Variants in MAP4K4 observed in about 807,000 individuals in gnomAD.
MAP4K4 encodes mitogen-activated protein kinase kinase kinase kinase 4, also known as HPK/GCK-like kinase HGK.
A neutral mutation model predicts 189.6 loss-of-function variants in MAP4K4; 38 were observed. That is an observed-to-expected ratio of 0.20 (90% CI 0.15 to 0.26). The LOEUF (loss-of-function observed/expected upper bound fraction) is 0.26. Among genes scored for constraint, MAP4K4 ranks in the 10% least tolerant of loss-of-function variants. The pLI, the probability that MAP4K4 is intolerant of heterozygous loss-of-function variation, is 1.00. For synonymous variants in MAP4K4, 610 were observed against 624.3 expected, an observed-to-expected ratio of 0.98 and a Z score of 0.34; for missense variants, 1,054 against 1,726.9, an observed-to-expected ratio of 0.61 and a Z score of 6.91.
intron 3 of MAP4K4, among the ~76,000 whole-genome samples, chr2:101,803,261 G>GTGTGTGTGTGTGTA (rs764726761): frequency 2.0e-5 from 3 of 149,192 alleles, no homozygotes; most frequent in Non-Finnish European, 4.5e-5. Flanking sequence ...GTGTGTGTGT[G>GTGTGTGTGTGTGTA]TGTATGTATG....
intron 2 of MAP4K4, among the ~76,000 whole-genome samples, chr2:101,747,210 C>T (rs1256698616): frequency 6.6e-6 from 1 of 152,166 alleles, no homozygotes; most frequent in African/African-American, 2.4e-5. Context: ...CCTCCGCCTC[C>T]TGGGTTCATG....
At chr2:101,805,883 C>T (rs936261754) in intron 3 of MAP4K4, among the ~76,000 whole-genome samples, 4 of 152,202 alleles carry the variant, frequency 2.6e-5, no homozygotes, top group Admixed American at 1.3e-4. Flanking sequence ...CTCACTGCCG[C>T]TTCCTTCTCA....
chr2:101,844,387 G>A (rs2097022209), intron 12 of MAP4K4, 76 bp downstream of exon 12: 1 of 1,208,140 alleles, frequency 8.3e-7, no homozygotes, highest in Non-Finnish European at 1.2e-6. Context: ...CCACTCAGAG[G>A]AATATCCTCT....
At position 101,831,869 on chromosome 2, in the gene MAP4K4, C is replaced by T. The variant is rs768416361; in HGVS notation, c.639+18C>T. On this transcript the variant is annotated intron_variant, in intron 7 of 32. Transcript: ENST00000324219. ...ATTACAGAGTAAGAGGCACCTGCTCCGTAGGCCTTTGCAGGGCCACTGGCA... is the reference window on the plus strand; with the variant it reads ...ATTACAGAGTAAGAGGCACCTGCTCTGTAGGCCTTTGCAGGGCCACTGGCA... The T allele has an allele frequency of 1.4e-5, 23 of 1,611,334 alleles. No homozygotes were observed. The East Asian group carries it at 2.5e-4, about 17-fold the overall frequency.
In MAP4K4 at chr2:101,839,768, G is replaced by A. The variant is rs1157308178; in HGVS notation, c.774-51G>A. On this transcript the variant is annotated intron_variant, in intron 9 of 32. Transcript: ENST00000324219. ...AGGCTTGTAAGTTACTGATATTTTC[G>A]ATCTTTACTCTTTGTGGTGGAAATT... The A allele has an allele frequency of 4.3e-6, 6 of 1,395,160 alleles. No homozygotes were observed. The Middle Eastern group carries it at 5.6e-4, about 130-fold the overall frequency. 86.4% of individuals were successfully genotyped at this position (1,395,160 alleles called of 1,614,324 possible). A position where few individuals can be genotyped will look rare whatever the true frequency, so the allele number is the denominator to read the frequency against.
chr2:101,779,520 T>C (rs2150515014), intron 2 of MAP4K4, among the ~76,000 whole-genome samples: 1 of 152,382 alleles, frequency 6.6e-6, no homozygotes, highest in Non-Finnish European at 1.5e-5. Context: ...AAAACTCATC[T>C]GTTTTAATAA....
chr2:101,889,703 C>T (rs1375795839), intron 32 of MAP4K4, among the ~76,000 whole-genome samples: 3 of 152,200 alleles, frequency 2.0e-5, no homozygotes, highest in Non-Finnish European at 2.9e-5. Flanking sequence ...CAAGACACCA[C>T]GACCTTTGAA....
At chr2:101,720,128 CA>C (rs964678014) in intron 2 of MAP4K4, among the ~76,000 whole-genome samples, 10 of 151,280 alleles carry the variant, frequency 6.6e-5, no homozygotes, top group Non-Finnish European at 1.5e-4. Context: ...ATTTGTACAG[CA>C]CAGTTGTACT....
intron 3 of MAP4K4, among the ~76,000 whole-genome samples, chr2:101,803,792 AC>A (rs1244825413): frequency 1.3e-5 from 2 of 151,746 alleles, no homozygotes; most frequent in African/African-American, 2.4e-5. Flanking sequence ...AGAGAAACGG[AC>A]CCCCCCTTCA....
At chr2:101,697,956 A>T in exon 1 of MAP4K4, 4 of 343,058 alleles carry the variant, frequency 1.2e-5, no homozygotes, top group Non-Finnish European at 1.9e-5. Context: ...CGGCCCCGCG[A>T]GGAGAGTACC....
At chr2:101,785,724 CTCTCTCTCTCTCTCTCT>C in intron 2 of MAP4K4, among the ~76,000 whole-genome samples, 1 of 7,692 alleles carries the variant, frequency 1.3e-4, no homozygotes, top group Non-Finnish European at 2.1e-4. Flanking sequence ...CTCTCTCTCT[CTCTCTCTCTCTCTCTCT>C]CTCTCTCTCT....
intron 2 of MAP4K4, among the ~76,000 whole-genome samples, chr2:101,730,341 G>A (rs573914763): frequency 2.6e-5 from 4 of 152,256 alleles, no homozygotes; most frequent in East Asian, 3.9e-4. Context: ...AGCTCCCCAC[G>A]ACTGGAAACT....
At chr2:101,732,590 T>G (rs2058937522) in intron 2 of MAP4K4, among the ~76,000 whole-genome samples, 1 of 152,072 alleles carries the variant, frequency 6.6e-6, no homozygotes, top group Non-Finnish European at 1.5e-5. Flanking sequence ...CCTTGCTCCT[T>G]TTTTATTTTT....
At chr2:101,778,373 G>C (rs772600499) in intron 2 of MAP4K4, among the ~76,000 whole-genome samples, 1 of 152,102 alleles carries the variant, frequency 6.6e-6, no homozygotes, top group Non-Finnish European at 1.5e-5. Context: ...TTGTGAAATC[G>C]CTTTTGTATC....
chr2:101,801,139 G>A (rs950400137), intron 3 of MAP4K4, among the ~76,000 whole-genome samples: 1 of 152,004 alleles, frequency 6.6e-6, no homozygotes, highest in Non-Finnish European at 1.5e-5. Flanking sequence ...TCAGCTTTGG[G>A]CGGCTGTACA....
rs1325147411 is a variant in MAP4K4, at chr2:101,859,097, C to G, written c.1482+15C>G. 3 of 1,602,736 alleles carry G rather than the reference C, an allele frequency of 1.9e-6. No homozygotes were observed. Among genetic ancestry groups the G allele is most frequent in the Non-Finnish European group, 2.6e-6 (3 of 1,171,456 alleles). On this transcript the variant is annotated intron_variant, in intron 14 of 32. Transcript: ENST00000324219. ...CCATGTTACTGGTAAAGCCCCGCCT[C>G]TGTTTCATTCTGTAGCATCAGGGCT...
chr2:101,781,633 C>G (rs1187525225), intron 2 of MAP4K4, among the ~76,000 whole-genome samples: 2 of 152,168 alleles, frequency 1.3e-5, no homozygotes, highest in African/African-American at 4.8e-5. Flanking sequence ...TTTTACTCCT[C>G]CCTCCTGGCC....
chr2:101,860,000 A>G lies in MAP4K4; in HGVS notation c.1704+136A>G. On this transcript the variant is annotated intron_variant, in intron 15 of 32. Transcript: ENST00000324219. ...TGGTTTCTTCATTTTCTAACTAGGA[A>G]ATTGAATTTCAGAGGAGTGGAGGGC... 5.3e-6 allele frequency: 5 copies of G among 948,328 alleles called. No individual in the cohort carries two copies. In the Admixed American group the frequency reaches 8.8e-5, roughly 17 times the overall value. 58.7% of individuals were successfully genotyped at this position (948,328 alleles called of 1,614,324 possible).
chr2:101,860,120 AC>A (rs760070739), intron 15 of MAP4K4: 20 of 543,858 alleles, frequency 3.7e-5, no homozygotes, highest in Non-Finnish European at 6.6e-5. Context: ...ACTGAACTAA[AC>A]TAAAAGATTA....
Sources: gnomAD v4.1 joint callset for allele counts (sites outside exome capture counted in the v4.1 genomes callset) on GRCh38, gnomAD v4.1.1 for gene constraint, MANE v1.5 for transcripts, NCBI Gene and HGNC (gene_info 2026-07-23, HGNC 2026-07-21) for gene names.